ITPR1: variants seen among roughly 807,000 people sequenced by gnomAD.
The protein encoded by ITPR1 is inositol 1,4,5-trisphosphate-gated calcium channel ITPR1.
In ITPR1, 96 loss-of-function variants were observed where a neutral mutation model predicts 318.4. The observed-to-expected ratio is 0.30, with a 90% CI of 0.26 to 0.36. The LOEUF (loss-of-function observed/expected upper bound fraction) is 0.36, where lower values mean the gene tolerates loss of function less well. Among genes scored for constraint, ITPR1 ranks in the 10% least tolerant of loss-of-function variants. The pLI is 1.00. For missense variants in ITPR1, 2,440 were observed against 3,460.2 expected (o/e 0.71, Z 7.40); for synonymous variants, 1,312 against 1,289.9 (o/e 1.02, Z -0.37).
At chr3:4,838,852 A>G (rs537182427) in intron 61 of ITPR1, among the ~76,000 whole-genome samples, 3 of 152,280 alleles carry the variant, frequency 2.0e-5, no homozygotes, top group South Asian at 2.1e-4. Flanking sequence ...CAAACTATTA[A>G]TGGGCATTCT....
At chr3:4,720,797 G>GC (rs748607014) in intron 40 of ITPR1, among the ~76,000 whole-genome samples, 6 of 66,720 alleles carry the variant, frequency 9.0e-5, no homozygotes, top group East Asian at 2.3e-3. Flanking sequence ...ATTCGAGGTA[G>GC]AGGGGGAAAC....
rs144171536 is a variant in ITPR1, at chr3:4,719,632, T to C, written c.5136+2233T>C. ...GTGGCCCACTGAGGAAGGGACGCCA[T>C]GCTTTGATCATAAAGGCCACTTGAT... is the stretch of plus-strand genomic sequence containing the variant. On this transcript the variant is annotated intron_variant, in intron 40 of 61. Transcript: ENST00000649015. 1.3e-3 allele frequency among the ~76,000 whole-genome samples: 202 copies of C among 152,312 alleles called. 2 individuals carry two copies. Among genetic ancestry groups the C allele is most frequent in the African/African-American group, 4.5e-3 (185 of 41,548 alleles).
Position 4,717,400 on chromosome 3 carries a change from G to A in ITPR1, c.5136+1G>A. 1 of 1,595,622 alleles carries A rather than the reference G, an allele frequency of 6.3e-7. No homozygotes were observed. Among genetic ancestry groups the A allele is most frequent in the Non-Finnish European group, 8.5e-7 (1 of 1,176,508 alleles). ...CATTGATGAATTGGATAATGCTGAG[G>A]TCCTAATTTTGTTGTTTTTTGTTTT... On this transcript the variant is annotated splice_donor_variant, in intron 40 of 61. Transcript: ENST00000649015. LOFTEE classifies it high-confidence loss of function.
chr3:4,608,582 G>A (rs2125094361), intron 4 of ITPR1, among the ~76,000 whole-genome samples: 1 of 152,220 alleles, frequency 6.6e-6, no homozygotes, highest in African/African-American at 2.4e-5. Flanking sequence ...TCTGGAGACA[G>A]TTTTGATTGT....
chr3:4,603,947 TAGTGTATA>T (rs2091500385), intron 4 of ITPR1, among the ~76,000 whole-genome samples: 1 of 152,226 alleles, frequency 6.6e-6, no homozygotes, highest in Non-Finnish European at 1.5e-5. Flanking sequence ...TTTCTACCAA[TAGTGTATA>T]AGTGTTTCCT....
chr3:4,561,518 C>G (rs78044553), intron 4 of ITPR1, among the ~76,000 whole-genome samples: 3 of 152,076 alleles, frequency 2.0e-5, no homozygotes, highest in Admixed American at 6.5e-5. Flanking sequence ...GAACGAAACT[C>G]ACTACATTTC....
chr3:4,821,293 T>A (rs935029886), intron 60 of ITPR1, among the ~76,000 whole-genome samples: 3 of 152,162 alleles, frequency 2.0e-5, no homozygotes, highest in African/African-American at 7.2e-5. Context: ...ACTCTGCAGC[T>A]CTCCTTTAGC....
intron 4 of ITPR1, among the ~76,000 whole-genome samples, chr3:4,601,543 G>T (rs2091287722): frequency 6.6e-6 from 1 of 150,728 alleles, no homozygotes; most frequent in Admixed American, 6.6e-5. Flanking sequence ...CACACTGTAT[G>T]CAAAAGTTAA....
At chr3:4,698,740 T>G (rs1343414525) in intron 34 of ITPR1, among the ~76,000 whole-genome samples, 1 of 152,256 alleles carries the variant, frequency 6.6e-6, no homozygotes, top group Non-Finnish European at 1.5e-5. Flanking sequence ...CTGTCTAGTT[T>G]TAAGGTGAGA....
At position 4,662,180 on chromosome 3, in the gene ITPR1, C is replaced by A; in HGVS notation, c.1350C>A (p.Ser450Arg). The change falls in exon 15 of 62, where the codon AGC (serine) becomes AGA (arginine). Residue 450 changes from serine to arginine, a missense_variant. By Grantham distance (110) the Ser-to-Arg change is moderately radical. This residue lies in a region of ITPR1 where 478 missense variants were observed against 696.3 expected (regional missense o/e 0.69). Coordinates refer to ENST00000649015, the MANE Select transcript of ITPR1 (RefSeq NM_001378452.1). ...ACCTGGACTTTGCCAATGATGCCAG[C>A]AAGGTGCTGGGCTCCATTGCTGGGA... ...VRDLDFANDA[S>R]KVLGSIAGKL... 7 of 1,613,392 alleles carry A rather than the reference C, an allele frequency of 4.3e-6. No individual in the cohort carries two copies. Among genetic ancestry groups the A allele is most frequent in the Non-Finnish European group, 5.9e-6 (7 of 1,179,486 alleles).
At chr3:4,769,240 G>A (rs2046028455) in intron 46 of ITPR1, among the ~76,000 whole-genome samples, 1 of 151,984 alleles carries the variant, frequency 6.6e-6, no homozygotes, top group South Asian at 2.1e-4. Context: ...CAAAAGCCTG[G>A]GCAAGTAATG....
chr3:4,792,125 GCTGTGCTA>G (rs1378455032), intron 52 of ITPR1, among the ~76,000 whole-genome samples: 1 of 152,112 alleles, frequency 6.6e-6, no homozygotes, highest in Non-Finnish European at 1.5e-5. Context: ...CATTTCTCAT[GCTGTGCTA>G]CTGACCCTCC....
chr3:4,563,670 G>T (rs1464496720), intron 4 of ITPR1, among the ~76,000 whole-genome samples: 1 of 152,154 alleles, frequency 6.6e-6, no homozygotes, highest in Non-Finnish European at 1.5e-5. Flanking sequence ...TTGATGTTCA[G>T]TGCTCCCTTT....
intron 54 of ITPR1, 71 bp downstream of exon 54, chr3:4,800,671 T>C (rs948251572): frequency 2.7e-6 from 4 of 1,477,616 alleles, no homozygotes; most frequent in African/African-American, 2.8e-5. Flanking sequence ...CTCTGGTTTC[T>C]AGAATCCTGG....
chr3:4,648,922 G>A (rs890852643), intron 10 of ITPR1, among the ~76,000 whole-genome samples: 3 of 152,220 alleles, frequency 2.0e-5, no homozygotes, highest in African/African-American at 7.2e-5. Context: ...AATAAAACTT[G>A]TTGTTTGCAA....
At chr3:4,708,246 C>CT (rs968972671) in intron 37 of ITPR1, among the ~76,000 whole-genome samples, 1 of 151,900 alleles carries the variant, frequency 6.6e-6, no homozygotes, top group African/African-American at 2.4e-5. Flanking sequence ...TAGATTATTC[C>CT]TTTTTTTTCT....
chr3:4,830,772 G>T (rs1258979121), intron 60 of ITPR1, among the ~76,000 whole-genome samples: 1 of 152,118 alleles, frequency 6.6e-6, no homozygotes, highest in East Asian at 1.9e-4. Flanking sequence ...TCCCAGAGGG[G>T]ATTCTCAAGG....
chr3:4,590,966 G>T (rs550664512), intron 4 of ITPR1, among the ~76,000 whole-genome samples: 1 of 152,278 alleles, frequency 6.6e-6, no homozygotes, highest in East Asian at 1.9e-4. Context: ...TTATAAGTGA[G>T]AACATGCAGT....
intron 4 of ITPR1, among the ~76,000 whole-genome samples, chr3:4,558,473 T>A (rs1377304728): frequency 3.9e-5 from 6 of 152,028 alleles, no homozygotes; most frequent in Admixed American, 6.5e-5. Context: ...AAAGTAAAAA[T>A]ATAGACAATA....
Sources: gnomAD v4.1 joint callset for allele counts (sites outside exome capture counted in the v4.1 genomes callset) on GRCh38, gnomAD v4.1.1 for gene constraint, gnomAD v4.1.1 regional missense constraint, MANE v1.5 for transcripts, NCBI Gene and HGNC (gene_info 2026-07-23, HGNC 2026-07-21) for gene names.